Variants in TGIF1 observed in about 807,000 individuals in gnomAD.
TGIF1 encodes the protein TGFB induced factor homeobox 1, also known as homeobox protein TGIF1.
TGIF1 carries 4 observed loss-of-function variants against 19.3 expected under a neutral mutation model. That is an observed-to-expected ratio of 0.21 (90% CI 0.10 to 0.47). The LOEUF (loss-of-function observed/expected upper bound fraction) is 0.47. Ranked by LOEUF, TGIF1 falls within the 20% of genes least tolerant of loss-of-function variation. The probability of loss-of-function intolerance (pLI) is 0.98; values close to 1 mark genes in which losing one functional copy is unlikely to be tolerated. For synonymous variants in TGIF1, 122 were observed against 129.3 expected, an observed-to-expected ratio of 0.94 and a Z score of 0.38; for missense variants, 275 against 341.4, an observed-to-expected ratio of 0.81 and a Z score of 1.53.
At chr18:3,450,685 A>G (rs2082883537) in intron 1 of TGIF1, among the ~76,000 whole-genome samples, 180 bp downstream of exon 1, 1 of 152,110 alleles carries the variant, frequency 6.6e-6, no homozygotes, top group Admixed American at 6.5e-5. Context: ...TTCCTGCTAG[A>G]CACAACACGA....
chr18:3,439,665 A>G (rs977956835), intron 2 of TGIF1, among the ~76,000 whole-genome samples: 1 of 152,116 alleles, frequency 6.6e-6, no homozygotes, highest in Non-Finnish European at 1.5e-5. Context: ...TTAAAATAAA[A>G]TTTATTCAGG....
intron 1 of TGIF1, chr18:3,452,036 C>G (rs2082963600): frequency 1.2e-6 from 2 of 1,612,214 alleles, no homozygotes; most frequent in East Asian, 2.2e-5. Context: ...ATTGTTCGGG[C>G]TCCGGCGGGG....
At chr18:3,429,048 G>T (rs1363389837) in intron 2 of TGIF1, among the ~76,000 whole-genome samples, 1 of 151,592 alleles carries the variant, frequency 6.6e-6, no homozygotes, top group African/African-American at 2.4e-5. Context: ...GCCAGACTCC[G>T]TCTCCAAAAA....
Position 3,450,174 on chromosome 18 carries a change from T to G in TGIF1, c.-316T>G, listed in dbSNP as rs552233938. On this transcript the variant is annotated 5_prime_UTR_variant, in exon 1 of 3. Transcript: ENST00000343820. Reference sequence around the variant, plus strand: ...TACCTTCCCTCCTCGCCTCTCTCACTCTGACAGCGCCGAGGTGCGCCGAGC... The same window carrying G: ...TACCTTCCCTCCTCGCCTCTCTCACGCTGACAGCGCCGAGGTGCGCCGAGC... 14 of 1,314,496 alleles carry G rather than the reference T, an allele frequency of 1.1e-5. No individual in the cohort carries two copies. The South Asian group carries it at 2.4e-4, about 23-fold the overall frequency. The allele number at this position is 1,314,496 out of a possible 1,614,324, so 81.4% of individuals were successfully genotyped here. A position where few individuals can be genotyped will look rare whatever the true frequency, so the allele number is the denominator to read the frequency against.
chr18:3,412,847 C>CA (rs1448602628), intron 1 of TGIF1: 2 of 152,120 alleles, frequency 1.3e-5, no homozygotes, highest in East Asian at 3.9e-4. Flanking sequence ...CCTGTCTCTA[C>CA]AAAAAATAAG....
In TGIF1 at chr18:3,450,353, T is replaced by C. The variant is rs1392895438; in HGVS notation, c.-137T>C. On this transcript the variant is annotated 5_prime_UTR_variant, in exon 1 of 3. Coordinates refer to ENST00000343820, the MANE Select transcript of TGIF1 (RefSeq NM_003244.4). ...GCGCCTGGGATCAGAGCGTCCTGTT[T>C]AGCAATAACGGCTGGAGCACGTCCT... 1.1e-5 allele frequency: 17 copies of C among 1,508,114 alleles called. No homozygotes were observed. Among genetic ancestry groups the C allele is most frequent in the Non-Finnish European group, 1.5e-5 (17 of 1,124,344 alleles). The allele number at this position is 1,508,114 out of a possible 1,614,324, so 93.4% of individuals were successfully genotyped here.
At chr18:3,449,599 G>A (rs2082834834), upstream of TGIF1, 1 of 985,040 alleles carries the variant, frequency 1.0e-6, no homozygotes, top group Non-Finnish European at 1.2e-6. Context: ...GCCCCGGGAG[G>A]AGAAGGGTGC....
chr18:3,425,989 G>A (rs1266212332), intron 2 of TGIF1, among the ~76,000 whole-genome samples: 1 of 151,946 alleles, frequency 6.6e-6, no homozygotes, highest in African/African-American at 2.4e-5. Context: ...CCCATATTTG[G>A]TCACAGCAGC....
In TGIF1 at chr18:3,457,201, G is replaced by T; in HGVS notation, c.244-164G>T. The T allele has an allele frequency of 1.2e-6, 1 of 823,690 alleles. No individual in the cohort carries two copies. The highest frequency in any genetic ancestry group is 2.3e-5 in the Admixed American group (1 of 43,556). The allele number at this position is 823,690 out of a possible 1,614,324, so 51.0% of individuals were successfully genotyped here. The stretch of plus-strand genomic sequence containing the variant: ...ATGACAGGTGGTAGCTTGCTTTCTT[G>T]GCGGAGCTCAGATACCTTGAAATAA... On this transcript the variant is annotated intron_variant, in intron 2 of 2. Coordinates refer to ENST00000343820, the MANE Select transcript of TGIF1 (RefSeq NM_003244.4). This position sits in a 1 kb window ranked among gnomAD's most constrained non-coding sequence, Gnocchi z 4.9.
intron 1 of TGIF1, chr18:3,452,217 G>T: frequency 6.2e-7 from 1 of 1,605,128 alleles, no homozygotes; most frequent in Non-Finnish European, 8.5e-7. Flanking sequence ...GTCCTCCTGC[G>T]CCCCCCCTCC....
intron 2 of TGIF1, among the ~76,000 whole-genome samples, chr18:3,439,126 A>G (rs1380942107): frequency 1.3e-5 from 2 of 152,162 alleles, no homozygotes; most frequent in Non-Finnish European, 2.9e-5. Context: ...TTAAAGTAAT[A>G]TAGGTGAAGA....
intron 1 of TGIF1, among the ~76,000 whole-genome samples, chr18:3,417,873 A>G (rs71358004): frequency 0.041 from 6,197 of 152,204 alleles, 143 homozygotes; most frequent in Non-Finnish European, 0.045. Context: ...CCAAGGTAGG[A>G]AGATCCCTTG....
In TGIF1 at chr18:3,451,864, C is replaced by CT. The variant is rs1598898427; in HGVS notation, c.16+1359_16+1360insT. On this transcript the variant is annotated intron_variant, in intron 1 of 2. Coordinates refer to ENST00000343820, the MANE Select transcript of TGIF1 (RefSeq NM_003244.4). This position sits in a 1 kb window ranked among gnomAD's most constrained non-coding sequence, Gnocchi z 5.4. ...CTGGGAGAAAACGCGCGGGGGGCGT[C>CT]CGAGACGCCCCGTGAAAGCCGTGCC... 3.5e-6 allele frequency: 5 copies of CT among 1,414,650 alleles called. No homozygotes were observed. Among genetic ancestry groups the CT allele is most frequent in the Non-Finnish European group, 3.7e-6 (4 of 1,084,130 alleles). The allele number at this position is 1,414,650 out of a possible 1,614,324, so 87.6% of individuals were successfully genotyped here.
At chr18:3,414,098 G>GT (rs1298450533) in intron 1 of TGIF1, among the ~76,000 whole-genome samples, 1 of 152,150 alleles carries the variant, frequency 6.6e-6, no homozygotes, top group Non-Finnish European at 1.5e-5. Flanking sequence ...ATACACAATC[G>GT]TATCATTTAT....
intron 2 of TGIF1, among the ~76,000 whole-genome samples, chr18:3,432,148 TA>T (rs2082557355): frequency 8.3e-6 from 1 of 121,014 alleles, no homozygotes; most frequent in East Asian, 2.6e-4. Flanking sequence ...AAAAAAACAC[TA>T]AGAAAGCTAA....
rs1228658338 is a variant in TGIF1, at chr18:3,457,235, AT to A, written c.244-128del. ...CAGATACCTTGAAATAACATTGTAA[AT>A]TCAGATAAGGCTTTTCATGCTTTCT... On this transcript the variant is annotated intron_variant, in intron 2 of 2. Coordinates refer to ENST00000343820, the MANE Select transcript of TGIF1 (RefSeq NM_003244.4). The surrounding 1 kb of genome is among the most constrained non-coding windows in gnomAD (Gnocchi z 4.9). 1.5e-5 allele frequency: 16 copies of A among 1,043,012 alleles called. No individual in the cohort carries two copies. The highest frequency in any genetic ancestry group is 2.3e-5 in the Non-Finnish European group (16 of 697,250). The allele number at this position is 1,043,012 out of a possible 1,614,324, so 64.6% of individuals were successfully genotyped here. A position where few individuals can be genotyped will look rare whatever the true frequency, so the allele number is the denominator to read the frequency against.
chr18:3,452,272 T>G (rs752956314), intron 1 of TGIF1: 2 of 1,610,346 alleles, frequency 1.2e-6, no homozygotes, highest in Non-Finnish European at 1.7e-6. Context: ...TCCCCGGAGC[T>G]GGGGACCAAG....
chr18:3,421,179 C>T (rs1216630642), intron 2 of TGIF1, among the ~76,000 whole-genome samples: 1 of 151,208 alleles, frequency 6.6e-6, no homozygotes, highest in Non-Finnish European at 1.5e-5. Context: ...TTTGATGGTA[C>T]TAGCACTTGA....
rs573607336 is a variant in TGIF1, at chr18:3,452,677, G to A, written c.16+2172G>A. On this transcript the variant is annotated intron_variant, in intron 1 of 2. Coordinates refer to ENST00000343820, the MANE Select transcript of TGIF1 (RefSeq NM_003244.4). ...CCTCCTTGGGCCCCTCCCTCTCCCC[G>A]TGCTCCTCCGCCGTCCTCCTCTAAA... 4.6e-5 allele frequency among the ~76,000 whole-genome samples: 7 copies of A among 152,172 alleles called. No homozygotes were observed. In the South Asian group the frequency reaches 1.5e-3, roughly 32 times the overall value.
Sources: allele counts gnomAD v4.1 joint callset (sites outside exome capture counted in the v4.1 genomes callset), GRCh38; gene constraint gnomAD v4.1.1; non-coding constraint Gnocchi (gnomAD v3.1); transcripts MANE v1.5; gene names NCBI Gene and HGNC (gene_info 2026-07-23, HGNC 2026-07-21).